The following ITPRID1 variants were observed in gnomAD, a reference collection of about 807,000 sequenced individuals.
The protein encoded by ITPRID1 is protein ITPRID1.
A neutral mutation model predicts 95.4 loss-of-function variants in ITPRID1; 96 were observed. That is an observed-to-expected ratio of 1.01 (90% CI 0.85 to 1.19). The LOEUF (loss-of-function observed/expected upper bound fraction) is 1.19. Among genes scored for constraint, ITPRID1 ranks in the 50% most tolerant of loss-of-function variants. ITPRID1 has a pLI of 0.00. For synonymous variants in ITPRID1, 510 were observed against 453.6 expected (o/e 1.12, Z -1.58); for missense variants, 1,339 against 1,252.9 (o/e 1.07, Z -1.04).
chr7:31,638,682 G>T (rs1189329566), intron 10 of ITPRID1, among the ~76,000 whole-genome samples: 1 of 152,016 alleles, frequency 6.6e-6, no homozygotes, highest in Non-Finnish European at 1.5e-5. Context: ...CCTTATCTTT[G>T]TTAACTCGAT....
intron 10 of ITPRID1, among the ~76,000 whole-genome samples, chr7:31,641,235 C>A (rs1272321789): frequency 7.2e-5 from 11 of 152,178 alleles, no homozygotes; most frequent in Non-Finnish European, 1.3e-4. Flanking sequence ...GTTGTTCAAG[C>A]AAAGGCAAAT....
intron 1 of ITPRID1, among the ~76,000 whole-genome samples, chr7:31,540,597 T>C (rs1233855257): frequency 6.6e-6 from 1 of 152,238 alleles, no homozygotes; most frequent in South Asian, 2.1e-4. Context: ...ATACTTGGCT[T>C]AATTATTTGC....
At chr7:31,614,653 T>C (rs1334530525) in intron 10 of ITPRID1, among the ~76,000 whole-genome samples, 3 of 152,182 alleles carry the variant, frequency 2.0e-5, no homozygotes, top group African/African-American at 7.2e-5. Context: ...CTGAGATAAT[T>C]TCACGTTTTT....
intron 10 of ITPRID1, among the ~76,000 whole-genome samples, chr7:31,610,412 T>C (rs1160152238): frequency 6.6e-6 from 1 of 151,832 alleles, no homozygotes; most frequent in Non-Finnish European, 1.5e-5. Context: ...CATAGTATAA[T>C]GGCAAACAGA....
At chr7:31,520,009 T>C (rs1199911756) in intron 1 of ITPRID1, among the ~76,000 whole-genome samples, 1 of 152,046 alleles carries the variant, frequency 6.6e-6, no homozygotes, top group Non-Finnish European at 1.5e-5. Context: ...TCATATTTAG[T>C]TGGTACATCT....
Position 31,652,915 on chromosome 7 carries a change from A to G in ITPRID1, c.*86A>G. On this transcript the variant is annotated 3_prime_UTR_variant, in exon 15 of 15. Coordinates refer to ENST00000615280, the MANE Select transcript of ITPRID1 (RefSeq NM_001257967.3). ...GAAATTTCAATTTTCCCCAAGGAGA[A>G]GGGTCTGCCAACCCATTGTCAGCTA... is the stretch of plus-strand genomic sequence containing the variant. The G allele has an allele frequency of 6.5e-7, 1 of 1,539,090 alleles. No homozygotes were observed. Among genetic ancestry groups the G allele is most frequent in the East Asian group, 2.3e-5 (1 of 44,046 alleles).
chr7:31,537,095 T>TTGTGTGTGTG (rs66543091), intron 1 of ITPRID1, among the ~76,000 whole-genome samples: 1,482 of 145,656 alleles, frequency 0.01, 17 homozygotes, highest in East Asian at 0.025. Context: ...GGTGTGTGTG[T>TTGTGTGTGTG]TGTGTGTGTG....
rs186382694 is a variant in ITPRID1, at chr7:31,635,905, C to T, written c.1229-6271C>T. Among the ~76,000 whole-genome samples, 50 of 152,186 alleles carry T rather than the reference C, an allele frequency of 3.3e-4. 1 individual carries two copies. Among genetic ancestry groups the T allele is most frequent in the Admixed American group, 1.4e-3 (21 of 15,280 alleles). ...AGTTTACCTATGTAATAAACCTGCA[C>T]ATCCTGCACACATACCCTGGAACTT... is the stretch of plus-strand genomic sequence containing the variant. On this transcript the variant is annotated intron_variant, in intron 10 of 14. Transcript: ENST00000615280.
Position 31,520,137 on chromosome 7 carries a change from T to C in ITPRID1, c.-98+6017T>C, listed in dbSNP as rs560699628. Among the ~76,000 whole-genome samples the C allele has an allele frequency of 2.6e-4, 40 of 151,962 alleles. 1 individual carries two copies. Among genetic ancestry groups the C allele is most frequent in the Non-Finnish European group, 5.3e-4 (36 of 67,986 alleles). ...AGACTTTTTTTTCAAGTGGAATTTG[T>C]CTGGTGTTTTTCTTATTATTACACT... On this transcript the variant is annotated intron_variant, in intron 1 of 14. Coordinates refer to ENST00000615280, the MANE Select transcript of ITPRID1 (RefSeq NM_001257967.3).
intron 1 of ITPRID1, among the ~76,000 whole-genome samples, chr7:31,546,310 ATTTAC>A (rs1784094772): frequency 6.6e-6 from 1 of 152,060 alleles, no homozygotes; most frequent in Non-Finnish European, 1.5e-5. Context: ...AAAAGAAGGT[ATTTAC>A]TCCAATAATT....
intron 10 of ITPRID1, among the ~76,000 whole-genome samples, chr7:31,590,444 T>C (rs1785815910): frequency 6.6e-6 from 1 of 152,146 alleles, no homozygotes; most frequent in African/African-American, 2.4e-5. Context: ...GTGGTTGCAG[T>C]TGGACTCTTA....
chr7:31,597,879 T>C (rs1008727867), intron 10 of ITPRID1, among the ~76,000 whole-genome samples: 4 of 152,078 alleles, frequency 2.6e-5, no homozygotes, highest in Non-Finnish European at 5.9e-5. Context: ...TCAACACTTA[T>C]TATATAGAAA....
At chr7:31,640,227 C>T (rs1367004270) in intron 10 of ITPRID1, among the ~76,000 whole-genome samples, 3 of 152,186 alleles carry the variant, frequency 2.0e-5, no homozygotes, top group Non-Finnish European at 4.4e-5. Flanking sequence ...GGAGGTTTTG[C>T]ATCTGGCTGG....
intron 10 of ITPRID1, among the ~76,000 whole-genome samples, chr7:31,620,198 G>A (rs1454339766): frequency 6.6e-6 from 1 of 152,136 alleles, no homozygotes; most frequent in African/African-American, 2.4e-5. Flanking sequence ...CAAACAAAAA[G>A]ACAGCAGTAA....
chr7:31,648,783 A>G (rs998512160), intron 12 of ITPRID1, among the ~76,000 whole-genome samples: 3 of 152,328 alleles, frequency 2.0e-5, no homozygotes, highest in Non-Finnish European at 4.4e-5. Context: ...GCTCGCTGCT[A>G]AGGGACAAGC....
chr7:31,540,285 T>C (rs780115284), intron 1 of ITPRID1, among the ~76,000 whole-genome samples: 9 of 152,108 alleles, frequency 5.9e-5, no homozygotes, highest in Non-Finnish European at 1.3e-4. Context: ...CCCTCAGTTA[T>C]TAGTTGTCAG....
chr7:31,592,392 A>T (rs1256588305), intron 10 of ITPRID1, among the ~76,000 whole-genome samples: 1 of 152,246 alleles, frequency 6.6e-6, no homozygotes, highest in Admixed American at 6.5e-5. Context: ...TGTTAAAAAG[A>T]TTAGCCTAAT....
At position 31,652,697 on chromosome 7, in the gene ITPRID1, G is replaced by A. The variant is rs932312774; in HGVS notation, c.3003G>A (p.Leu1001=). 8 of 1,613,784 alleles carry A rather than the reference G, an allele frequency of 5.0e-6. No homozygotes were observed. In the African/African-American group the frequency reaches 9.3e-5, roughly 19 times the overall value. Residue 1001 remains leucine (L), a synonymous_variant, in exon 15 of 15, where the codon TTG becomes TTA. Coordinates refer to ENST00000615280, the MANE Select transcript of ITPRID1 (RefSeq NM_001257967.3). The part of the protein sequence containing the change: ...QEAPCSGGTQ[L]AAFTPPTLEN... ...CTCCCTGTTCAGGTGGGACCCAGTT[G>A]GCTGCCTTCACTCCACCCACCTTGG...
intron 1 of ITPRID1, among the ~76,000 whole-genome samples, chr7:31,522,456 T>C (rs1197179326): frequency 1.3e-5 from 2 of 152,268 alleles, no homozygotes; most frequent in Non-Finnish European, 2.9e-5. Context: ...GCTCGTCTCA[T>C]GGAACTTATG....
Sources: gnomAD v4.1 joint callset for allele counts (sites outside exome capture counted in the v4.1 genomes callset) on GRCh38, gnomAD v4.1.1 for gene constraint, MANE v1.5 for transcripts, NCBI Gene and HGNC (gene_info 2026-07-23, HGNC 2026-07-21) for gene names.